Variants in STPG4 observed in about 807,000 individuals in gnomAD.
STPG4 encodes sperm-tail PG-rich repeat containing 4, also known as protein STPG4.
STPG4 carries 41 observed loss-of-function variants against 31.5 expected under a neutral mutation model. The ratio of observed to expected loss-of-function variants is 1.30; its 90% confidence interval spans 1.01 to 1.69. The LOEUF (loss-of-function observed/expected upper bound fraction) is 1.69. Ranked by LOEUF, STPG4 falls within the 40% of genes most tolerant of loss-of-function variation. STPG4 has a pLI of 0.00. For missense variants in STPG4, 375 were observed against 293.4 expected (o/e 1.28, Z -2.03); for synonymous variants, 141 against 103.0 (o/e 1.37, Z -2.24).
intron 5 of STPG4, among the ~76,000 whole-genome samples, chr2:47,126,672 T>G (rs369640191): frequency 1.3e-5 from 2 of 152,344 alleles, no homozygotes; most frequent in African/African-American, 4.8e-5. Context: ...CTTTCAGAAT[T>G]TGAAGAACTC....
intron 5 of STPG4, among the ~76,000 whole-genome samples, chr2:47,105,692 C>A (rs572018209): frequency 6.6e-6 from 1 of 152,134 alleles, no homozygotes; most frequent in East Asian, 1.9e-4. Flanking sequence ...AGTGATGTAA[C>A]CATACTTGAA....
intron 5 of STPG4, among the ~76,000 whole-genome samples, chr2:47,127,430 A>G (rs112588139): frequency 3.9e-4 from 59 of 152,022 alleles, no homozygotes; most frequent in African/African-American, 1.3e-3. Context: ...CACCACACTC[A>G]GATGCTTTTT....
chr2:47,091,530 T>C (rs1381897664), intron 5 of STPG4, among the ~76,000 whole-genome samples: 1 of 152,180 alleles, frequency 6.6e-6, no homozygotes, highest in African/African-American at 2.4e-5. Context: ...CTAGGGTTCC[T>C]TGCCTCAGGA....
chr2:47,108,882 C>G (rs1407632986), intron 5 of STPG4: 1 of 152,266 alleles, frequency 6.6e-6, no homozygotes, highest in East Asian at 1.9e-4. Flanking sequence ...ACATTCCCTG[C>G]TAAATGGGCA....
At chr2:47,117,652 T>C (rs1686179071) in intron 5 of STPG4, among the ~76,000 whole-genome samples, 1 of 152,196 alleles carries the variant, frequency 6.6e-6, no homozygotes, top group Non-Finnish European at 1.5e-5. Flanking sequence ...TGTATACACA[T>C]TGGTTGGATA....
intron 3 of STPG4, among the ~76,000 whole-genome samples, chr2:47,150,466 A>C (rs1686912362): frequency 1.3e-5 from 2 of 151,914 alleles, no homozygotes; most frequent in South Asian, 4.2e-4. Context: ...TGAGAGTAGA[A>C]GCTGACCCTC....
rs754721222 is a variant in STPG4 at position 47,129,979 on chromosome 2, A to G, written c.481T>C (p.Ser161Pro). Residue 161 changes from serine (S) to proline (P), a missense_variant, in exon 5 of 7, where the codon TCA (serine) becomes CCA (proline). By Grantham distance (74) the Ser-to-Pro change is moderately conservative. Coordinates refer to ENST00000445927, the MANE Select transcript of STPG4 (RefSeq NM_001163561.2). The part of the protein sequence containing the change: ...KYASRSCVFR[S>P]TVQRFPTTYF... ...GTTGTTGGGAATCTTTGAACTGTTG[A>G]GCGAAATACACAGCTCCTATATTTC... The G allele has an allele frequency of 3.8e-6, 6 of 1,580,426 alleles. No individual in the cohort carries two copies. In the African/African-American group the frequency reaches 8.1e-5, roughly 21 times the overall value.
chr2:47,100,470 C>T (rs889404612), intron 5 of STPG4, among the ~76,000 whole-genome samples: 15 of 149,178 alleles, frequency 1.0e-4, no homozygotes, highest in East Asian at 2.0e-4. Flanking sequence ...CACCAATCAG[C>T]GCCCTGTCAA....
chr2:47,091,767 T>A (rs1393048395), intron 5 of STPG4, among the ~76,000 whole-genome samples: 1 of 152,202 alleles, frequency 6.6e-6, no homozygotes, highest in East Asian at 1.9e-4. Context: ...AGATGACATA[T>A]ATTTATTATT....
At chr2:47,099,389 T>C (rs1380863372) in intron 5 of STPG4, among the ~76,000 whole-genome samples, 1 of 152,220 alleles carries the variant, frequency 6.6e-6, no homozygotes, top group Non-Finnish European at 1.5e-5. Flanking sequence ...ACAACGCAAA[T>C]GGCTAAAGCC....
intron 3 of STPG4, among the ~76,000 whole-genome samples, chr2:47,131,968 C>A (rs771589454): frequency 4.4e-4 from 67 of 152,104 alleles, no homozygotes; most frequent in Non-Finnish European, 3.1e-4. Context: ...AGTTCAAGAC[C>A]AGCCTGACCA....
At chr2:47,117,147 T>C (rs529822015) in intron 5 of STPG4, among the ~76,000 whole-genome samples, 1 of 152,186 alleles carries the variant, frequency 6.6e-6, no homozygotes, top group Non-Finnish European at 1.5e-5. Flanking sequence ...GGGAAGCTTA[T>C]CAAGCAAATG....
chr2:47,145,535 G>A (rs796610962), intron 3 of STPG4, among the ~76,000 whole-genome samples: 6 of 152,294 alleles, frequency 3.9e-5, no homozygotes, highest in African/African-American at 1.4e-4. Flanking sequence ...TATATTAACA[G>A]AAGCCAAAGC....
chr2:47,155,162 C>T lies in STPG4; in HGVS notation c.81+9G>A. 1 of 1,613,710 alleles carries T rather than the reference C, an allele frequency of 6.2e-7. No homozygotes were observed. Among genetic ancestry groups the T allele is most frequent in the Non-Finnish European group, 8.5e-7 (1 of 1,179,706 alleles). On this transcript the variant is annotated intron_variant, in intron 1 of 6. Coordinates refer to ENST00000445927, the MANE Select transcript of STPG4 (RefSeq NM_001163561.2). ...AGGAGCCAGGCCGGCAAGGGGCAGGCCATCTTACCGAAGCTGTGATGAATG... is the reference window on the plus strand; with the variant it reads ...AGGAGCCAGGCCGGCAAGGGGCAGGTCATCTTACCGAAGCTGTGATGAATG...
chr2:47,127,252 C>CTTTTT lies in STPG4; in HGVS notation c.519+2684_519+2688dup, dbSNP rs57475505. 1.4e-3 allele frequency among the ~76,000 whole-genome samples: 78 copies of CTTTTT among 57,464 alleles called. 16 individuals are homozygous for CTTTTT. The highest frequency in any genetic ancestry group is 4.3e-3 in the African/African-American group (42 of 9,670). 37.7% of individuals were successfully genotyped at this position (57,464 alleles called of 152,430 possible). ...CAAATAGCTTGTCTTCAAGCTAATT[C>CTTTTT]TTTTTTTTTTTTTTTTTTTTTTTTT... On this transcript the variant is annotated intron_variant, in intron 5 of 6. Transcript: ENST00000445927.
chr2:47,107,208 G>A (rs944071330), intron 5 of STPG4, among the ~76,000 whole-genome samples: 2 of 152,076 alleles, frequency 1.3e-5, no homozygotes, highest in African/African-American at 4.8e-5. Context: ...GCCCACCGCT[G>A]CACTGTGGGA....
intron 5 of STPG4, among the ~76,000 whole-genome samples, chr2:47,112,095 G>C (rs533888666): frequency 5.3e-5 from 8 of 152,298 alleles, no homozygotes; most frequent in Admixed American, 1.3e-4. Context: ...AAACTAAGTA[G>C]TAATCTGATA....
intron 5 of STPG4, among the ~76,000 whole-genome samples, chr2:47,128,662 C>G (rs1179930626): frequency 1.3e-5 from 2 of 152,078 alleles, no homozygotes; most frequent in Non-Finnish European, 2.9e-5. Flanking sequence ...GCTGCCAGGC[C>G]TGGGTCTCTC....
At chr2:47,125,958 G>T (rs1282672722) in intron 5 of STPG4, among the ~76,000 whole-genome samples, 1 of 152,086 alleles carries the variant, frequency 6.6e-6, no homozygotes, top group Non-Finnish European at 1.5e-5. Flanking sequence ...AGTTTTCCTT[G>T]CACCATTTAT....
Sources: allele counts gnomAD v4.1 joint callset (sites outside exome capture counted in the v4.1 genomes callset), GRCh38; gene constraint gnomAD v4.1.1; transcripts MANE v1.5; gene names NCBI Gene and HGNC (gene_info 2026-07-23, HGNC 2026-07-21).